MAN1A1: variants seen among roughly 807,000 people sequenced by gnomAD.
MAN1A1 encodes the protein mannosidase alpha class 1A member 1.
A neutral mutation model predicts 70.8 loss-of-function variants in MAN1A1; 29 were observed. The observed-to-expected ratio is 0.41, with a 90% CI of 0.31 to 0.56. MAN1A1 has a LOEUF of 0.56. MAN1A1 is among the 20% of genes least tolerant of loss of function. The pLI, the probability that MAN1A1 is intolerant of heterozygous loss-of-function variation, is 0.29. For synonymous variants in MAN1A1, 349 were observed against 330.1 expected, an observed-to-expected ratio of 1.06 and a Z score of -0.62; for missense variants, 747 against 841.3, an observed-to-expected ratio of 0.89 and a Z score of 1.39.
At chr6:119,343,276 T>C (rs1224866344) in intron 2 of MAN1A1, among the ~76,000 whole-genome samples, 2 of 152,186 alleles carry the variant, frequency 1.3e-5, no homozygotes, top group African/African-American at 4.8e-5. Context: ...GGGTTTTATT[T>C]AGGAGACAAA....
intron 4 of MAN1A1, among the ~76,000 whole-genome samples, chr6:119,300,249 T>G (rs1739841386): frequency 6.6e-6 from 1 of 151,744 alleles, no homozygotes; most frequent in East Asian, 1.9e-4. Flanking sequence ...TTTTTTGTTT[T>G]GTTTTGTTTT....
At chr6:119,317,035 A>C (rs777067963) in intron 2 of MAN1A1, among the ~76,000 whole-genome samples, 11 of 151,262 alleles carry the variant, frequency 7.3e-5, no homozygotes, top group Non-Finnish European at 1.6e-4. Flanking sequence ...GGGCACAAGT[A>C]TTTCCCTTTT....
At chr6:119,327,497 C>G (rs532723368) in intron 2 of MAN1A1, 1 of 145,464 alleles carries the variant, frequency 6.9e-6, no homozygotes, top group South Asian at 2.2e-4. Flanking sequence ...TCAGGCGATT[C>G]TCCTGCCTCA....
At chr6:119,194,001 T>C in intron 8 of MAN1A1, 109 bp from the exon 9 acceptor site, 2 of 616,478 alleles carry the variant, frequency 3.2e-6, no homozygotes, top group Non-Finnish European at 5.7e-6. Flanking sequence ...TGCAAGTCAC[T>C]GTTACATTTA....
At chr6:119,319,903 A>G (rs779122496) in intron 2 of MAN1A1, among the ~76,000 whole-genome samples, 8 of 152,084 alleles carry the variant, frequency 5.3e-5, no homozygotes, top group Non-Finnish European at 8.8e-5. Flanking sequence ...GGTGTGGCAC[A>G]TGCAGATATG....
chr6:119,336,904 G>GT (rs1464743110), intron 2 of MAN1A1, among the ~76,000 whole-genome samples: 6 of 151,778 alleles, frequency 4.0e-5, no homozygotes, highest in African/African-American at 1.5e-4. Context: ...AGTATTCTAG[G>GT]TAATAAAGAA....
intron 3 of MAN1A1, 75 bp downstream of exon 3, chr6:119,306,821 C>T: frequency 9.3e-7 from 1 of 1,072,932 alleles, no homozygotes; most frequent in Non-Finnish European, 1.4e-6. Context: ...GTTACACAGA[C>T]TTCTCCACCA....
Position 119,177,432 on chromosome 6 carries a change from C to G in MAN1A1, c.*2387G>C, listed in dbSNP as rs1488603626. ...GTTCTGTAAACTGCCATACAACTTA[C>G]ATGTGTAATATTAATTGCACAAAGT... is the stretch of plus-strand genomic sequence containing the variant. On this transcript the variant is annotated 3_prime_UTR_variant, in exon 13 of 13. Transcript: ENST00000368468. The G allele has an allele frequency of 6.6e-6, 1 of 152,036 alleles. No homozygotes were observed. The highest frequency in any genetic ancestry group is 2.4e-5 in the African/African-American group (1 of 41,444). The allele number at this position is 152,036 out of a possible 1,614,324, so 9.4% of individuals were successfully genotyped here.
chr6:119,346,255 T>A (rs1773725493), intron 2 of MAN1A1, among the ~76,000 whole-genome samples: 1 of 152,240 alleles, frequency 6.6e-6, no homozygotes, highest in Admixed American at 6.5e-5. Flanking sequence ...GGGCAACCAC[T>A]CTTGCCTCTC....
chr6:119,201,023 T>C (rs1049548762), intron 8 of MAN1A1, among the ~76,000 whole-genome samples: 1 of 152,200 alleles, frequency 6.6e-6, no homozygotes, highest in African/African-American at 2.4e-5. Context: ...TTCTGATTAA[T>C]AGCTGTAAAT....
rs1315846646 is a variant in MAN1A1, at chr6:119,178,399, T to C, written c.*1420A>G. 6.6e-6 allele frequency: 1 copy of C among 152,072 alleles called. No homozygotes were observed. Among genetic ancestry groups the C allele is most frequent in the African/African-American group, 2.4e-5 (1 of 41,442 alleles). 9.4% of individuals were successfully genotyped at this position (152,072 alleles called of 1,614,324 possible). A position where few individuals can be genotyped will look rare whatever the true frequency, so the allele number is the denominator to read the frequency against. ...CTTTCTGACCATTCTCGGCTGAAAATTGACATGGTCAAAGTCCTTGCCCTT... is the reference window on the plus strand; with the variant it reads ...CTTTCTGACCATTCTCGGCTGAAAACTGACATGGTCAAAGTCCTTGCCCTT... On this transcript the variant is annotated 3_prime_UTR_variant, in exon 13 of 13. Coordinates refer to ENST00000368468, the MANE Select transcript of MAN1A1 (RefSeq NM_005907.4).
chr6:119,340,245 T>TA (rs1380346996), intron 2 of MAN1A1, among the ~76,000 whole-genome samples: 1 of 152,094 alleles, frequency 6.6e-6, no homozygotes, highest in Non-Finnish European at 1.5e-5. Context: ...CAGAGAGAGA[T>TA]ACAGTGAGGA....
intron 2 of MAN1A1, among the ~76,000 whole-genome samples, chr6:119,331,570 C>CATATATGTATATATATATAT (rs1773313058): frequency 8.5e-6 from 1 of 117,972 alleles, no homozygotes; most frequent in South Asian, 2.8e-4. Flanking sequence ...ACATATTATG[C>CATATATGTATATATATATAT]ATATATATAT....
intron 9 of MAN1A1, among the ~76,000 whole-genome samples, chr6:119,191,203 C>T (rs764736919): frequency 1.9e-4 from 29 of 152,252 alleles, no homozygotes; most frequent in Middle Eastern, 3.4e-3. Context: ...TTTTATGCGA[C>T]TGAACATCTT....
At chr6:119,345,535 T>A (rs1773705197) in intron 2 of MAN1A1, among the ~76,000 whole-genome samples, 1 of 152,210 alleles carries the variant, frequency 6.6e-6, no homozygotes, top group Admixed American at 6.5e-5. Context: ...TTTAACATTT[T>A]TTGTGAAGCA....
intron 3 of MAN1A1, among the ~76,000 whole-genome samples, chr6:119,304,652 T>A (rs972884725): frequency 6.6e-6 from 1 of 152,162 alleles, no homozygotes; most frequent in African/African-American, 2.4e-5. Context: ...AGGAAAAAGA[T>A]GGATGCTTCA....
chr6:119,340,658 G>C (rs1244924887), intron 2 of MAN1A1, among the ~76,000 whole-genome samples: 2 of 152,194 alleles, frequency 1.3e-5, no homozygotes, highest in African/African-American at 4.8e-5. Context: ...TAGCAATGCT[G>C]TGTTATTAAA....
intron 6 of MAN1A1, among the ~76,000 whole-genome samples, chr6:119,225,395 T>C (rs1365537158): frequency 6.7e-6 from 1 of 148,696 alleles, no homozygotes; most frequent in East Asian, 2.0e-4. Context: ...CCTTGTCTCT[T>C]AGAGAGAGAG....
chr6:119,337,429 T>G (rs981819429), intron 2 of MAN1A1, among the ~76,000 whole-genome samples: 2 of 152,240 alleles, frequency 1.3e-5, no homozygotes, highest in African/African-American at 4.8e-5. Flanking sequence ...AAGAGCATAT[T>G]CATTCAACAA....
Sources: allele counts gnomAD v4.1 joint callset (sites outside exome capture counted in the v4.1 genomes callset), GRCh38; gene constraint gnomAD v4.1.1; transcripts MANE v1.5; gene names NCBI Gene and HGNC (gene_info 2026-07-23, HGNC 2026-07-21).